Variants in WDFY4 observed in about 807,000 individuals in gnomAD.
WDFY4 encodes the protein WD repeat- and FYVE domain-containing protein 4.
A neutral mutation model predicts 351.9 loss-of-function variants in WDFY4; 169 were observed. The observed-to-expected ratio is 0.48, with a 90% CI of 0.42 to 0.55. The LOEUF (loss-of-function observed/expected upper bound fraction) is 0.55. WDFY4 is among the 20% of genes least tolerant of loss of function. The pLI is 0.00. For synonymous variants in WDFY4, 1,622 were observed against 1,574.6 expected, an observed-to-expected ratio of 1.03 and a Z score of -0.71; for missense variants, 3,803 against 3,935.6, an observed-to-expected ratio of 0.97 and a Z score of 0.90.
At chr10:48,838,596 C>T (rs2068487595) in intron 39 of WDFY4, among the ~76,000 whole-genome samples, 2 of 152,142 alleles carry the variant, frequency 1.3e-5, no homozygotes. Flanking sequence ...AATTCTCAAA[C>T]ATACACATAA....
intron 13 of WDFY4, among the ~76,000 whole-genome samples, chr10:48,764,708 G>A (rs1054694029): frequency 2.0e-5 from 3 of 152,260 alleles, no homozygotes; most frequent in African/African-American, 7.2e-5. Flanking sequence ...GAGCCAGACT[G>A]TGTAGCTGCC....
At position 48,924,729 on chromosome 10, in the gene WDFY4, T is replaced by G. The variant is rs75168312; in HGVS notation, c.7587-17077T>G. Reference sequence around the variant, plus strand: ...TCAAACAGCATGGTGGGATACCCCATGGATATCTAAATTAAAAAAGTAATG... The same window carrying G: ...TCAAACAGCATGGTGGGATACCCCAGGGATATCTAAATTAAAAAAGTAATG... On this transcript the variant is annotated intron_variant, in intron 47 of 61. Coordinates refer to ENST00000325239, the MANE Select transcript of WDFY4 (RefSeq NM_001394531.1). Among the ~76,000 whole-genome samples, 893 of 152,358 alleles carry G rather than the reference T, an allele frequency of 5.9e-3. 11 individuals are homozygous for G. Among genetic ancestry groups the G allele is most frequent in the African/African-American group, 0.02 (848 of 41,572 alleles).
At chr10:48,858,892 T>C (rs1564423820) in intron 39 of WDFY4, among the ~76,000 whole-genome samples, 2 of 152,228 alleles carry the variant, frequency 1.3e-5, no homozygotes, top group Admixed American at 1.3e-4. Context: ...CTGCATTTCA[T>C]AGTTTTCAAC....
chr10:48,923,042 TA>T (rs1461373017), intron 47 of WDFY4, among the ~76,000 whole-genome samples: 1 of 152,212 alleles, frequency 6.6e-6, no homozygotes, highest in African/African-American at 2.4e-5. Context: ...GAAACATTTT[TA>T]AAAAATCGTT....
intron 2 of WDFY4, among the ~76,000 whole-genome samples, chr10:48,715,808 CTT>C (rs11101438): frequency 6.4e-4 from 91 of 141,276 alleles, no homozygotes; most frequent in Admixed American, 8.4e-4. Context: ...CTTTTCTTTT[CTT>C]TTTTTTTTTT....
chr10:48,980,996 G>A (rs891155812), intron 60 of WDFY4, among the ~76,000 whole-genome samples: 1 of 152,190 alleles, frequency 6.6e-6, no homozygotes, highest in Non-Finnish European at 1.5e-5. Flanking sequence ...GGCAATTACT[G>A]GCTGCATTAC....
chr10:48,805,435 C>T lies in WDFY4; in HGVS notation c.4646+14C>T. 1 of 1,546,342 alleles carries T rather than the reference C, an allele frequency of 6.5e-7. No homozygotes were observed. The highest frequency in any genetic ancestry group is 8.7e-7 in the Non-Finnish European group (1 of 1,146,862). ...GGACTTGCTCAGGTACCACACCAAG[C>T]TGCCCAGGGGGAAGAGCAGGGCCCC... On this transcript the variant is annotated intron_variant, in intron 26 of 61. Transcript: ENST00000325239.
rs1023688196 is a variant in WDFY4 at position 48,947,090 on chromosome 10, A to G, written c.7977+121A>G. The stretch of plus-strand genomic sequence containing the variant: ...GGATGCCTCTGCTAAAAACTCAGTC[A>G]TTAGCCAGTGATTCCCAGTTGACAT... On this transcript the variant is annotated intron_variant, in intron 51 of 61. Transcript: ENST00000325239. 7.6e-6 allele frequency: 6 copies of G among 794,210 alleles called. No individual in the cohort carries two copies. In the African/African-American group the frequency reaches 1.0e-4, roughly 14 times the overall value. 49.2% of individuals were successfully genotyped at this position (794,210 alleles called of 1,614,324 possible).
At chr10:48,975,597 A>T (rs546669253) in intron 58 of WDFY4, among the ~76,000 whole-genome samples, 11 of 152,278 alleles carry the variant, frequency 7.2e-5, no homozygotes, top group African/African-American at 2.4e-4. Flanking sequence ...GAGGGCTCAA[A>T]AGAGGAGGGA....
intron 1 of WDFY4, among the ~76,000 whole-genome samples, chr10:48,708,213 T>C (rs1226455443): frequency 6.6e-6 from 1 of 152,086 alleles, no homozygotes; most frequent in African/African-American, 2.4e-5. Flanking sequence ...GAGTAAGCAG[T>C]CTGTGTGCTC....
At chr10:48,887,898 A>C (rs2070533428) in intron 43 of WDFY4, among the ~76,000 whole-genome samples, 1 of 152,252 alleles carries the variant, frequency 6.6e-6, no homozygotes. Flanking sequence ...ACCTGAATCA[A>C]AAAAGGACTG....
At chr10:48,926,122 C>T (rs886551896) in intron 47 of WDFY4, among the ~76,000 whole-genome samples, 10 of 152,214 alleles carry the variant, frequency 6.6e-5, no homozygotes, top group African/African-American at 2.4e-4. Context: ...GCAAATGCCT[C>T]ATCCTGGGGA....
At chr10:48,732,255 A>AG (rs2064488210) in intron 9 of WDFY4, among the ~76,000 whole-genome samples, 1 of 152,150 alleles carries the variant, frequency 6.6e-6, no homozygotes, top group South Asian at 2.1e-4. Flanking sequence ...GGTGGTCTTT[A>AG]ACTACCATCT....
At chr10:48,919,554 G>A (rs1258199209) in intron 47 of WDFY4, among the ~76,000 whole-genome samples, 1 of 152,208 alleles carries the variant, frequency 6.6e-6, no homozygotes, top group South Asian at 2.1e-4. Flanking sequence ...CTGTTCCAGA[G>A]GCTGGGAAGT....
chr10:48,959,947 G>C (rs1239031040), intron 53 of WDFY4, 134 bp downstream of exon 53: 3 of 811,962 alleles, frequency 3.7e-6, no homozygotes, highest in Non-Finnish European at 5.8e-6. Flanking sequence ...CCAGAGAAGG[G>C]ATGGGGTCTA....
intron 47 of WDFY4, among the ~76,000 whole-genome samples, chr10:48,936,923 G>C (rs1423919933): frequency 7.3e-6 from 1 of 137,168 alleles, no homozygotes; most frequent in Non-Finnish European, 1.6e-5. Context: ...ATAAACTTCA[G>C]GTTTTGTTTT....
intron 12 of WDFY4, among the ~76,000 whole-genome samples, chr10:48,756,357 GAC>G: frequency 6.6e-6 from 1 of 151,776 alleles, no homozygotes; most frequent in South Asian, 2.1e-4. Flanking sequence ...TTTGTATGTC[GAC>G]TATTATTCTG....
chr10:48,903,724 C>T (rs1022013117), intron 47 of WDFY4, among the ~76,000 whole-genome samples: 1 of 151,792 alleles, frequency 6.6e-6, no homozygotes, highest in Non-Finnish European at 1.5e-5. Context: ...TTTTGAGATG[C>T]CTATCATACA....
intron 47 of WDFY4, among the ~76,000 whole-genome samples, chr10:48,921,693 A>C (rs1006153437): frequency 1.3e-5 from 2 of 152,236 alleles, no homozygotes; most frequent in Non-Finnish European, 2.9e-5. Flanking sequence ...TCTGGTATCC[A>C]AAATCTATAA....
Sources: gnomAD v4.1 joint callset for allele counts (sites outside exome capture counted in the v4.1 genomes callset) on GRCh38, gnomAD v4.1.1 for gene constraint, MANE v1.5 for transcripts, NCBI Gene and HGNC (gene_info 2026-07-23, HGNC 2026-07-21) for gene names.